The following CACNA1H variants were observed in gnomAD, a reference collection of about 807,000 sequenced individuals.
CACNA1H encodes voltage-dependent T-type calcium channel subunit alpha-1H.
In CACNA1H, 149 loss-of-function variants were observed where a neutral mutation model predicts 192.5. The ratio of observed to expected loss-of-function variants is 0.77; its 90% confidence interval spans 0.68 to 0.89. The LOEUF (loss-of-function observed/expected upper bound fraction) is 0.89, where lower values mean the gene tolerates loss of function less well. Among genes scored for constraint, CACNA1H ranks in the 40% least tolerant of loss-of-function variants. The pLI is 0.00. For missense variants in CACNA1H, 4,257 were observed against 3,423.5 expected (o/e 1.24, Z -6.08); for synonymous variants, 2,202 against 1,475.2 (o/e 1.49, Z -11.29).
At position 1,218,335 on chromosome 16, in the gene CACNA1H, C is replaced by T. The variant is rs964898056; in HGVS notation, c.5571C>T (p.Ala1857=). 21 of 1,560,574 alleles carry T rather than the reference C, an allele frequency of 1.3e-5. 1 individual carries two copies. Among genetic ancestry groups the T allele is most frequent in the Middle Eastern group, 3.3e-4 (2 of 6,006 alleles). Residue 1857 remains alanine (A), a synonymous_variant, in exon 33 of 35, where the codon GCC becomes GCT. Transcript: ENST00000348261. ...TCGTGCTGGTGAACGTGGTGGTGGC[C>T]GTGCTCATGAAGCACCTGGAGGAGA... The part of the protein sequence containing the change: ...AQFVLVNVVV[A]VLMKHLEESN...
intron 2 of CACNA1H, among the ~76,000 whole-genome samples, chr16:1,155,685 C>G (rs1962260642): frequency 6.6e-6 from 1 of 152,324 alleles, no homozygotes; most frequent in Admixed American, 6.5e-5. Context: ...CCGGGCCTGG[C>G]TGTCCTGTCC....
At position 1,209,281 on chromosome 16, in the gene CACNA1H, C is replaced by A. The variant is rs779622633; in HGVS notation, c.3613C>A (p.Arg1205=). 1 of 1,561,410 alleles carries A rather than the reference C, an allele frequency of 6.4e-7. No homozygotes were observed. The highest frequency in any genetic ancestry group is 8.6e-7 in the Non-Finnish European group (1 of 1,159,686). The change falls in exon 17 of 35, where the codon CGG becomes AGG. Residue 1205 remains arginine (R), a synonymous_variant. Coordinates refer to ENST00000348261, the MANE Select transcript of CACNA1H (RefSeq NM_021098.3). The part of the protein sequence containing the change: ...RAESLDPRPL[R]PAALPPTKCR... ...CGAGTCCCTGGACCCACGGCCCCTG[C>A]GGCCGGCCGCCCTCCCGCCTACCAA...
At chr16:1,157,328 C>T (rs976850161) in intron 2 of CACNA1H, 1 of 152,234 alleles carries the variant, frequency 6.6e-6, no homozygotes, top group Non-Finnish European at 1.5e-5. Context: ...TGTCACGGAG[C>T]TCTGAGATGG....
chr16:1,186,994 G>C (rs542119804), intron 2 of CACNA1H, among the ~76,000 whole-genome samples: 146 of 152,300 alleles, frequency 9.6e-4, no homozygotes, highest in African/African-American at 3.3e-3. Context: ...CGGCTGGCCC[G>C]GCCCCTCCTG....
At chr16:1,169,095 G>A (rs1269381283) in intron 2 of CACNA1H, among the ~76,000 whole-genome samples, 1 of 145,922 alleles carries the variant, frequency 6.9e-6, no homozygotes, top group South Asian at 2.2e-4. Flanking sequence ...GTTCTGGACT[G>A]TTCCAGATAC....
intron 2 of CACNA1H, among the ~76,000 whole-genome samples, chr16:1,162,325 G>T (rs1963288654): frequency 6.6e-6 from 1 of 152,100 alleles, no homozygotes; most frequent in Non-Finnish European, 1.5e-5. Context: ...GCAGGTGCCT[G>T]GGGGAGGCCC....
chr16:1,212,859 CG>C (rs1252231126), intron 26 of CACNA1H, among the ~76,000 whole-genome samples: 1 of 152,244 alleles, frequency 6.6e-6, no homozygotes, highest in East Asian at 1.9e-4. Flanking sequence ...GGGCCCTCTC[CG>C]GCTGCCCGGG....
Position 1,198,785 on chromosome 16 carries a change from C to T in CACNA1H, c.803+11C>T, listed in dbSNP as rs755278624. 4 of 1,605,318 alleles carry T rather than the reference C, an allele frequency of 2.5e-6. No homozygotes were observed. The Admixed American group carries it at 5.1e-5, about 20-fold the overall frequency. ...CAGTGCCTTTGTCAGGTGCCCAGGC[C>T]CCACCCCCGTGAGGCCCCTGCCCAG... On this transcript the variant is annotated intron_variant, in intron 6 of 34. Transcript: ENST00000348261.
In CACNA1H at chr16:1,180,095, A is replaced by G. The variant is rs1262815375; in HGVS notation, c.300-14877A>G. Among the ~76,000 whole-genome samples the G allele has an allele frequency of 1.3e-5, 2 of 152,144 alleles. No individual in the cohort carries two copies. Among genetic ancestry groups the G allele is most frequent in the African/African-American group, 2.4e-5 (1 of 41,438 alleles). The stretch of plus-strand genomic sequence containing the variant: ...TGATACTGAGGGGGCCGGGCTCTGC[A>G]GGCACAGGGCTGAGGGGCGTCGTGT... On this transcript the variant is annotated intron_variant, in intron 2 of 34. Coordinates refer to ENST00000348261, the MANE Select transcript of CACNA1H (RefSeq NM_021098.3). The surrounding 1 kb of genome is among the most constrained non-coding windows in gnomAD (Gnocchi z 4.4).
chr16:1,210,000 C>G, intron 17 of CACNA1H, 35 bp from the exon 18 acceptor site: 1 of 1,498,796 alleles, frequency 6.7e-7, no homozygotes, highest in East Asian at 2.5e-5. Context: ...GGCAGGCAGG[C>G]GCAGGCTCTG....
rs763407611 is a variant in CACNA1H, at chr16:1,207,053, G to T, written c.2842G>T (p.Gly948Ter). ...GCKFSLKTDTGDTVPDRKNFD... is the reference protein window; with the variant it reads ...GCKFSLKTDT ...CAAGTTCAGCCTGAAGACAGACACC[G>T]GAGACACCGTGCCTGACAGGAAGAA... The change falls in exon 13 of 35, where the codon GGA (glycine) becomes TGA (stop). Residue 948 changes from glycine (G) to a stop codon, truncating the protein, a stop_gained. Transcript: ENST00000348261. LOFTEE classifies it high-confidence loss of function. 6.2e-7 allele frequency: 1 copy of T among 1,602,866 alleles called. No homozygotes were observed. The highest frequency in any genetic ancestry group is 2.3e-5 in the East Asian group (1 of 44,402).
chr16:1,159,868 C>A (rs910316594), intron 2 of CACNA1H: 1 of 152,416 alleles, frequency 6.6e-6, no homozygotes, highest in East Asian at 1.9e-4. Context: ...GCTGCGGGCA[C>A]CCTCCCTGGC....
intron 2 of CACNA1H, among the ~76,000 whole-genome samples, chr16:1,166,400 C>A (rs941564842): frequency 1.3e-5 from 2 of 152,214 alleles, no homozygotes; most frequent in African/African-American, 2.4e-5. Flanking sequence ...GAGGAGGCCG[C>A]GCAGCGTACA....
rs1967963361 is a variant in CACNA1H, at chr16:1,201,853, T to C, written c.1403T>C (p.Phe468Ser). ...CTGCTGAAGTACGTGGGCCACATAT[T>C]CCGCAAGGTCAAGCGGCGCAGCTTG... is the stretch of plus-strand genomic sequence containing the variant. Reference protein sequence around the residue: ...EELLKYVGHIFRKVKRRSLRL... With the variant: ...EELLKYVGHISRKVKRRSLRL... Residue 468 changes from phenylalanine to serine, a missense_variant, in exon 9 of 35, where the codon TTC becomes TCC. Phe to Ser is a radical substitution (Grantham distance 155, BLOSUM62 -2). Transcript: ENST00000348261. 2 of 1,564,656 alleles carry C rather than the reference T, an allele frequency of 1.3e-6. No individual in the cohort carries two copies. Among genetic ancestry groups the C allele is most frequent in the Non-Finnish European group, 1.7e-6 (2 of 1,155,452 alleles).
intron 2 of CACNA1H, among the ~76,000 whole-genome samples, chr16:1,190,975 G>A (rs1426868682): frequency 3.4e-5 from 5 of 148,110 alleles, no homozygotes; most frequent in African/African-American, 1.0e-4. Context: ...AGGCACACTC[G>A]GGGTTTCGGT....
chr16:1,218,711 G>A lies in CACNA1H; in HGVS notation c.5887+60G>A, dbSNP rs570852592. The A allele has an allele frequency of 2.8e-6, 4 of 1,434,554 alleles. No individual in the cohort carries two copies. In the South Asian group the frequency reaches 4.1e-5, roughly 15 times the overall value. The allele number at this position is 1,434,554 out of a possible 1,614,324, so 88.9% of individuals were successfully genotyped here. A position where few individuals can be genotyped will look rare whatever the true frequency, so the allele number is the denominator to read the frequency against. On this transcript the variant is annotated intron_variant, in intron 33 of 34. Coordinates refer to ENST00000348261, the MANE Select transcript of CACNA1H (RefSeq NM_021098.3). Reference sequence around the variant, plus strand: ...GGAAGCAGGACAGGGAGGAAGATGGGGGCAGGTGGGAGGGAGGATGGGGTC... The same window carrying A: ...GGAAGCAGGACAGGGAGGAAGATGGAGGCAGGTGGGAGGGAGGATGGGGTC...
At chr16:1,163,872 C>T (rs1963477246) in intron 2 of CACNA1H, among the ~76,000 whole-genome samples, 1 of 152,222 alleles carries the variant, frequency 6.6e-6, no homozygotes, top group Non-Finnish European at 1.5e-5. Flanking sequence ...TGATGAGAAG[C>T]TGGGCTATGT....
chr16:1,155,285 C>T (rs889680772), intron 2 of CACNA1H, among the ~76,000 whole-genome samples: 18 of 152,186 alleles, frequency 1.2e-4, no homozygotes, highest in African/African-American at 3.6e-4. Context: ...ACCCGCTGCC[C>T]GGGCGGCCTA....
chr16:1,156,651 G>A (rs374395034), intron 2 of CACNA1H, among the ~76,000 whole-genome samples: 2 of 152,274 alleles, frequency 1.3e-5, no homozygotes, highest in South Asian at 2.1e-4. Context: ...TGAAGAGGGT[G>A]AACTCTGAGA....
Sources: allele counts gnomAD v4.1 joint callset (sites outside exome capture counted in the v4.1 genomes callset), GRCh38; gene constraint gnomAD v4.1.1; non-coding constraint Gnocchi (gnomAD v3.1); transcripts MANE v1.5; gene names NCBI Gene and HGNC (gene_info 2026-07-23, HGNC 2026-07-21).